The following HHLA1 variants were observed in gnomAD, a reference collection of about 807,000 sequenced individuals.
HHLA1 encodes HHLA1 neighbor of OC90, also known as HERV-H LTR-associating protein 1.
Under a neutral mutation model 69.9 loss-of-function variants are expected in HHLA1, and 72 were observed. That is an observed-to-expected ratio of 1.03 (90% CI 0.85 to 1.25). The LOEUF is 1.25. Among genes scored for constraint, HHLA1 ranks in the 50% most tolerant of loss-of-function variants. The pLI, the probability that HHLA1 is intolerant of heterozygous loss-of-function variation, is 0.00. For synonymous variants in HHLA1, 252 were observed against 233.2 expected, an observed-to-expected ratio of 1.08 and a Z score of -0.73; for missense variants, 685 against 642.2, an observed-to-expected ratio of 1.07 and a Z score of -0.72.
chr8:132,084,441 A>AG (rs138792422), intron 10 of HHLA1, among the ~76,000 whole-genome samples: 140,523 of 152,098 alleles, frequency 0.92, 65,086 homozygotes, highest in Middle Eastern at 0.96. Flanking sequence ...GGGACTAGGA[A>AG]GGACTGAGTG....
intron 7 of HHLA1, among the ~76,000 whole-genome samples, chr8:132,091,991 G>T (rs1289084530): frequency 1.3e-5 from 2 of 152,160 alleles, no homozygotes; most frequent in Non-Finnish European, 2.9e-5. Context: ...AATTAGCCAA[G>T]TTTCCAACAA....
At chr8:132,086,931 G>A (rs530053498) in intron 10 of HHLA1, among the ~76,000 whole-genome samples, 1 of 152,328 alleles carries the variant, frequency 6.6e-6, no homozygotes, top group East Asian at 1.9e-4. Context: ...CCAAGGGGAA[G>A]GCAGGCTGTG....
intron 1 of HHLA1, among the ~76,000 whole-genome samples, chr8:132,105,990 G>A (rs1239753986): frequency 1.3e-5 from 2 of 152,288 alleles, no homozygotes; most frequent in African/African-American, 4.8e-5. Context: ...CAGTTGCAAA[G>A]CTGAGACTAA....
At chr8:132,108,395 T>A (rs1824240726) in intron 1 of HHLA1, among the ~76,000 whole-genome samples, 1 of 152,220 alleles carries the variant, frequency 6.6e-6, no homozygotes, top group Admixed American at 6.5e-5. Context: ...GTTCTTCATA[T>A]GATAGAGTGA....
intron 15 of HHLA1, among the ~76,000 whole-genome samples, chr8:132,068,287 C>T (rs1019444032): frequency 5.3e-5 from 8 of 152,088 alleles, no homozygotes; most frequent in Non-Finnish European, 7.4e-5. Context: ...AAGTGTACAC[C>T]GCTCTCAGGA....
chr8:132,102,768 G>A (rs1824131059), intron 3 of HHLA1, among the ~76,000 whole-genome samples: 2 of 149,976 alleles, frequency 1.3e-5, no homozygotes, highest in South Asian at 4.2e-4. Context: ...GGTGGGCCCT[G>A]TGTCATCTTC....
chr8:132,107,965 G>T (rs1038382932), intron 1 of HHLA1, among the ~76,000 whole-genome samples: 1 of 152,166 alleles, frequency 6.6e-6, no homozygotes, highest in African/African-American at 2.4e-5. Context: ...GACAGGGAGA[G>T]AGCCTGGGTT....
chr8:132,065,886 T>A lies in HHLA1; in HGVS notation c.1552A>T (p.Thr518Ser), dbSNP rs77075526. The change falls in exon 16 of 17, where the codon ACC becomes TCC. Residue 518 changes from threonine (T) to serine (S), a missense_variant and splice_region_variant. Transcript: ENST00000414222. ...CAACATAGTCAAGCTGTGTACTTAC[T>A]GTGCGAGTGGGACACCCTTTTCACC... ...QRVKRVSHSH[T>S]LKQKCLENIC... The A allele has an allele frequency of 2.0e-3, 2,641 of 1,290,228 alleles. 46 individuals are homozygous for A. In the African/African-American group the frequency reaches 0.035, roughly 17 times the overall value. 79.9% of individuals were successfully genotyped at this position (1,290,228 alleles called of 1,614,324 possible). A position where few individuals can be genotyped will look rare whatever the true frequency, so the allele number is the denominator to read the frequency against.
At position 132,064,035 on chromosome 8, in the gene HHLA1, A is replaced by C. The variant is rs1405285002; in HGVS notation, c.1556T>G (p.Leu519Ter). 1 of 1,303,952 alleles carries C rather than the reference A, an allele frequency of 7.7e-7. No individual in the cohort carries two copies. Among genetic ancestry groups the C allele is most frequent in the African/African-American group, 1.5e-5 (1 of 65,932 alleles). The allele number at this position is 1,303,952 out of a possible 1,614,324, so 80.8% of individuals were successfully genotyped here. A position where few individuals can be genotyped will look rare whatever the true frequency, so the allele number is the denominator to read the frequency against. ...GATATTCTCAAGGCACTTTTGCTTT[A>C]AGGCTGAAAAAAAAGCAGAAGAAGA... ...RVKRVSHSHT[L>*]KQKCLENICK... Residue 519 changes from leucine (L) to a stop codon, truncating the protein, a stop_gained, in exon 17 of 17, where the codon TTA becomes TGA. Coordinates refer to ENST00000414222, the MANE Select transcript of HHLA1 (RefSeq NM_001145095.3). LOFTEE classifies it high-confidence loss of function.
At chr8:132,090,693 A>G (rs933462558) in intron 7 of HHLA1, among the ~76,000 whole-genome samples, 2 of 151,698 alleles carry the variant, frequency 1.3e-5, no homozygotes, top group Admixed American at 6.6e-5. Context: ...TAGTATACCT[A>G]TGCAGGTATA....
At chr8:132,070,946 C>A (rs1823528723) in intron 15 of HHLA1, among the ~76,000 whole-genome samples, 1 of 152,104 alleles carries the variant, frequency 6.6e-6, no homozygotes, top group Non-Finnish European at 1.5e-5. Flanking sequence ...TTCATCTCAA[C>A]TGATCACAAC....
At chr8:132,100,562 G>C (rs907062495) in intron 3 of HHLA1, among the ~76,000 whole-genome samples, 1 of 152,158 alleles carries the variant, frequency 6.6e-6, no homozygotes. Flanking sequence ...TGCGACCAAA[G>C]GAGAAAATGT....
At chr8:132,078,415 C>T (rs1376389011) in intron 11 of HHLA1, among the ~76,000 whole-genome samples, 1 of 152,172 alleles carries the variant, frequency 6.6e-6, no homozygotes, top group Non-Finnish European at 1.5e-5. Flanking sequence ...TTTTAGCTTC[C>T]TCATGAAAAT....
chr8:132,100,074 C>T lies in HHLA1; in HGVS notation c.199+1G>A, dbSNP rs1279148012. 10 of 1,551,290 alleles carry T rather than the reference C, an allele frequency of 6.4e-6. No individual in the cohort carries two copies. The Admixed American group carries it at 9.8e-5, about 15-fold the overall frequency. On this transcript the variant is annotated splice_donor_variant, in intron 4 of 16. Transcript: ENST00000414222. LOFTEE classifies it high-confidence loss of function. ...AAGGGATTTGGGGGAGCGGCACTCA[C>T]CCGTCGTAGCAAGAAATGCCACCCC...
chr8:132,087,888 A>T lies in HHLA1; in HGVS notation c.546T>A (p.Asn182Lys). 6.4e-7 allele frequency: 1 copy of T among 1,551,280 alleles called. No homozygotes were observed. Among genetic ancestry groups the T allele is most frequent in the Non-Finnish European group, 8.7e-7 (1 of 1,146,484 alleles). ...CACAGATGAAGATGCAATCTGATTCATTGCTTTGATTCACTGTAAGACAAA... is the reference window on the plus strand; with the variant it reads ...CACAGATGAAGATGCAATCTGATTCTTTGCTTTGATTCACTGTAAGACAAA... ...STSILSVNQS[N>K]ESDCIFICVM... Residue 182 changes from asparagine (N) to lysine (K), a missense_variant, in exon 9 of 17, where the codon AAT becomes AAA. Asn to Lys is a moderately conservative substitution (Grantham distance 94). Transcript: ENST00000414222.
chr8:132,094,468 C>T lies in HHLA1; in HGVS notation c.448+1051G>A, dbSNP rs925901371. Among the ~76,000 whole-genome samples, 3 of 152,202 alleles carry T rather than the reference C, an allele frequency of 2.0e-5. No individual in the cohort carries two copies. The East Asian group carries it at 5.8e-4, about 29-fold the overall frequency. On this transcript the variant is annotated intron_variant, in intron 7 of 16. Coordinates refer to ENST00000414222, the MANE Select transcript of HHLA1 (RefSeq NM_001145095.3). ...CTAATTTCCTATAGCTCTGTCCTGG[C>T]TAACCTGCTCCAGTTATGCTGGCTT...
At chr8:132,106,688 G>C (rs549351569) in intron 1 of HHLA1, among the ~76,000 whole-genome samples, 1 of 152,338 alleles carries the variant, frequency 6.6e-6, no homozygotes, top group Non-Finnish European at 1.5e-5. Context: ...CTTCCCTTGA[G>C]CTGTTTAGTA....
chr8:132,087,697 G>A lies in HHLA1; in HGVS notation c.632C>T (p.Pro211Leu). The A allele has an allele frequency of 6.4e-7, 1 of 1,551,426 alleles. No homozygotes were observed. Among genetic ancestry groups the A allele is most frequent in the African/African-American group, 1.4e-5 (1 of 73,130 alleles). Reference protein sequence around the residue: ...SDFWEIEEKYPIINYTFTSGL... With the variant: ...SDFWEIEEKYLIINYTFTSGL... ...GCTGGTAAATGTGTAATTGATAATG[G>A]GATATTTTTCTTCTATCTCCCAGAA... Residue 211 changes from proline (P) to leucine (L), a missense_variant, in exon 10 of 17, where the codon CCC (proline) becomes CTC (leucine). Transcript: ENST00000414222.
intron 1 of HHLA1, among the ~76,000 whole-genome samples, chr8:132,105,527 A>G (rs1824190087): frequency 6.6e-6 from 1 of 152,212 alleles, no homozygotes; most frequent in Non-Finnish European, 1.5e-5. Flanking sequence ...TGCTCCACAT[A>G]GTCACTCAGG....
Sources: allele counts gnomAD v4.1 joint callset (sites outside exome capture counted in the v4.1 genomes callset), GRCh38; gene constraint gnomAD v4.1.1; transcripts MANE v1.5; gene names NCBI Gene and HGNC (gene_info 2026-07-23, HGNC 2026-07-21).